LRCH1: variants seen among roughly 807,000 people sequenced by gnomAD.
The protein encoded by LRCH1 is leucine rich repeats and calponin homology domain containing 1, also known as leucine-rich repeat and calponin homology domain-containing protein 1.
A neutral mutation model predicts 94.9 loss-of-function variants in LRCH1; 23 were observed. That is an observed-to-expected ratio of 0.24 (90% CI 0.17 to 0.34). LRCH1 has a LOEUF of 0.34. Ranked by LOEUF, LRCH1 falls within the 10% of genes least tolerant of loss-of-function variation. The pLI is 1.00. For synonymous variants in LRCH1, 364 were observed against 354.9 expected (o/e 1.03, Z -0.29); for missense variants, 790 against 945.9 (o/e 0.84, Z 2.16).
chr13:46,585,552 CAAAAA>C (rs35651253), intron 1 of LRCH1, among the ~76,000 whole-genome samples: 1 of 82,116 alleles, frequency 1.2e-5, no homozygotes, highest in Non-Finnish European at 2.7e-5. Flanking sequence ...GACTGCATCT[CAAAAA>C]AAAAAAAAAA....
chr13:46,688,411 T>C (rs1870729477), intron 6 of LRCH1, among the ~76,000 whole-genome samples: 1 of 152,214 alleles, frequency 6.6e-6, no homozygotes, highest in Admixed American at 6.5e-5. Context: ...AGGCTTTATT[T>C]TTGGTCTTTT....
intron 13 of LRCH1, among the ~76,000 whole-genome samples, chr13:46,706,479 T>G (rs2138189642): frequency 6.6e-6 from 1 of 152,344 alleles, no homozygotes; most frequent in East Asian, 1.9e-4. Flanking sequence ...AGTCTTTTAT[T>G]TGCAGTCTCC....
chr13:46,710,536 G>C (rs1872006913), intron 13 of LRCH1, among the ~76,000 whole-genome samples: 1 of 152,098 alleles, frequency 6.6e-6, no homozygotes, highest in Non-Finnish European at 1.5e-5. Flanking sequence ...AACGGGGAAG[G>C]GTCTGCGAGA....
intron 1 of LRCH1, among the ~76,000 whole-genome samples, chr13:46,585,171 A>G (rs1474406449): frequency 6.6e-6 from 1 of 152,236 alleles, no homozygotes; most frequent in Admixed American, 6.5e-5. Flanking sequence ...TTTAGAAATG[A>G]GTAGGAACAA....
chr13:46,667,582 C>T (rs1424683389), intron 2 of LRCH1, among the ~76,000 whole-genome samples: 1 of 151,298 alleles, frequency 6.6e-6, no homozygotes, highest in Non-Finnish European at 1.5e-5. Context: ...ATGTAAATGA[C>T]AAGTTAATGG....
intron 5 of LRCH1, among the ~76,000 whole-genome samples, chr13:46,687,173 G>A (rs1870664435): frequency 6.6e-6 from 1 of 152,068 alleles, no homozygotes; most frequent in Admixed American, 6.5e-5. Flanking sequence ...TGGCCAGGCT[G>A]CTCTCTAATT....
intron 2 of LRCH1, among the ~76,000 whole-genome samples, chr13:46,659,745 C>T (rs2051421432): frequency 6.6e-6 from 1 of 152,096 alleles, no homozygotes; most frequent in Admixed American, 6.5e-5. Context: ...TACTTTTGTT[C>T]AATCAATAAT....
intron 1 of LRCH1, among the ~76,000 whole-genome samples, chr13:46,638,965 G>T (rs2051126570): frequency 6.6e-6 from 1 of 152,124 alleles, no homozygotes. Flanking sequence ...GAGGATTATG[G>T]TTAACTGAAG....
chr13:46,613,787 TAA>T lies in LRCH1; in HGVS notation c.308-36413_308-36412del, dbSNP rs796143953. ...CAGGGTGACCACAGAAGTTATTCTCTAAGTCTGGTATGTTCCTAAATGTCCTC... is the reference window on the plus strand; with the variant it reads ...CAGGGTGACCACAGAAGTTATTCTCTGTCTGGTATGTTCCTAAATGTCCTC... On this transcript the variant is annotated intron_variant, in intron 1 of 19. Transcript: ENST00000389797. Among the ~76,000 whole-genome samples the T allele has an allele frequency of 3.3e-3, 500 of 152,328 alleles. 2 individuals are homozygous for T. Among genetic ancestry groups the T allele is most frequent in the South Asian group, 0.019 (94 of 4,826 alleles).
intron 1 of LRCH1, among the ~76,000 whole-genome samples, chr13:46,580,044 G>A (rs1448229593): frequency 6.6e-6 from 1 of 152,182 alleles, no homozygotes; most frequent in Admixed American, 6.5e-5. Flanking sequence ...ACCCCTAGGA[G>A]CATTTTGGCA....
Position 46,743,179 on chromosome 13 carries a change from A to C in LRCH1, c.*1331A>C. The C allele has an allele frequency of 1.0e-6, 1 of 985,788 alleles. No individual in the cohort carries two copies. Among genetic ancestry groups the C allele is most frequent in the Non-Finnish European group, 1.2e-6 (1 of 829,890 alleles). The allele number at this position is 985,788 out of a possible 1,614,324, so 61.1% of individuals were successfully genotyped here. A position where few individuals can be genotyped will look rare whatever the true frequency, so the allele number is the denominator to read the frequency against. ...CTCAAGATAAATTTCTAGTTTATTA[A>C]GATGCAAACAGCTCTCATAGATGGC... On this transcript the variant is annotated 3_prime_UTR_variant, in exon 20 of 20. Coordinates refer to ENST00000389797, the MANE Select transcript of LRCH1 (RefSeq NM_001164211.2).
chr13:46,594,663 G>C (rs927448239), intron 1 of LRCH1, among the ~76,000 whole-genome samples: 1 of 152,084 alleles, frequency 6.6e-6, no homozygotes, highest in Non-Finnish European at 1.5e-5. Context: ...AAAGTTTCTC[G>C]ATTTGACGGG....
chr13:46,614,229 T>C (rs2050780184), intron 1 of LRCH1, among the ~76,000 whole-genome samples: 1 of 152,212 alleles, frequency 6.6e-6, no homozygotes, highest in Non-Finnish European at 1.5e-5. Flanking sequence ...CCAAGATAAC[T>C]GCATCTTTGT....
chr13:46,672,884 A>G (rs929592398), intron 3 of LRCH1, among the ~76,000 whole-genome samples: 2 of 152,242 alleles, frequency 1.3e-5, no homozygotes, highest in African/African-American at 4.8e-5. Flanking sequence ...AAGCCAGTGC[A>G]TGACATACGG....
intron 1 of LRCH1, among the ~76,000 whole-genome samples, chr13:46,576,945 C>G (rs554695957): frequency 6.6e-6 from 1 of 152,156 alleles, no homozygotes; most frequent in African/African-American, 2.4e-5. Flanking sequence ...TGGGGCTTCT[C>G]TCATCTGAAG....
At chr13:46,684,704 G>T (rs905707080) in intron 4 of LRCH1, among the ~76,000 whole-genome samples, 1 of 152,146 alleles carries the variant, frequency 6.6e-6, no homozygotes, top group Non-Finnish European at 1.5e-5. Context: ...TCACTTTCAT[G>T]ATTCCAGGGT....
chr13:46,682,356 C>T (rs1328940877), intron 4 of LRCH1, among the ~76,000 whole-genome samples: 1 of 152,052 alleles, frequency 6.6e-6, no homozygotes, highest in Non-Finnish European at 1.5e-5. Context: ...ATTAGAGCTG[C>T]CCTCATGACC....
rs147495779 is a variant in LRCH1 at position 46,741,810 on chromosome 13, G to A, written c.2254G>A (p.Val752Ile). 6 of 1,614,138 alleles carry A rather than the reference G, an allele frequency of 3.7e-6. No homozygotes were observed. The highest frequency in any genetic ancestry group is 5.1e-6 in the Non-Finnish European group (6 of 1,180,014). Residue 752 changes from valine to isoleucine, a missense_variant, in exon 20 of 20, where the codon GTC becomes ATC. By Grantham distance (29) the Val-to-Ile change is conservative. Transcript: ENST00000389797. ...CLVHILFIVL[V>I]YITYHWNALS... is the part of the protein sequence containing the mutation. The stretch of plus-strand genomic sequence containing the variant: ...TGTCCATATTCTCTTTATAGTGCTG[G>A]TCTATATCACTTACCACTGGAATGC...
intron 1 of LRCH1, among the ~76,000 whole-genome samples, chr13:46,600,696 T>C (rs958796358): frequency 6.6e-6 from 1 of 151,812 alleles, no homozygotes; most frequent in Admixed American, 6.6e-5. Context: ...TGTTTACAGT[T>C]ACTGCTAAGG....
Sources: allele counts gnomAD v4.1 joint callset (sites outside exome capture counted in the v4.1 genomes callset), GRCh38; gene constraint gnomAD v4.1.1; transcripts MANE v1.5; gene names NCBI Gene and HGNC (gene_info 2026-07-23, HGNC 2026-07-21).